Variants in DCLK2 observed in about 807,000 individuals in gnomAD.
DCLK2 encodes the protein doublecortin like kinase 2, also known as serine/threonine-protein kinase DCLK2.
DCLK2 carries 31 observed loss-of-function variants against 78.4 expected under a neutral mutation model. That is an observed-to-expected ratio of 0.40 (90% CI 0.30 to 0.53). The LOEUF (loss-of-function observed/expected upper bound fraction) is 0.53. Among genes scored for constraint, DCLK2 ranks in the 20% least tolerant of loss-of-function variants. DCLK2 has a pLI of 0.61. For missense variants in DCLK2, 872 were observed against 973.7 expected (o/e 0.90, Z 1.39); for synonymous variants, 407 against 374.9 (o/e 1.09, Z -0.99).
chr4:150,138,726 G>C (rs1439096739), intron 2 of DCLK2, among the ~76,000 whole-genome samples: 1 of 152,080 alleles, frequency 6.6e-6, no homozygotes, highest in Non-Finnish European at 1.5e-5. Context: ...GAGTGCAGTG[G>C]CACGATCTCA....
Position 150,200,953 on chromosome 4 carries a change from G to A in DCLK2, c.962-2842G>A, listed in dbSNP as rs959682093. On this transcript the variant is annotated intron_variant, in intron 4 of 15. Transcript: ENST00000296550. ...CTGCCTCAGCCTCCCGAGTAGCTGG[G>A]ACTACAGGCGTGCGCCACCACGCCT... 2.0e-5 allele frequency among the ~76,000 whole-genome samples: 3 copies of A among 152,188 alleles called. No homozygotes were observed. The South Asian group carries it at 6.2e-4, about 31-fold the overall frequency.
chr4:150,091,678 TAACTGATAGAAAAGTAGCCTAA>T (rs1730084026), intron 1 of DCLK2, among the ~76,000 whole-genome samples: 1 of 152,116 alleles, frequency 6.6e-6, no homozygotes, highest in South Asian at 2.1e-4. Context: ...GACTTTATAG[TAACTGATAGAAAAGTAGCCTAA>T]AACTGCTATT....
At chr4:150,250,837 C>T (rs1341454305) in intron 15 of DCLK2, among the ~76,000 whole-genome samples, 1 of 149,726 alleles carries the variant, frequency 6.7e-6, no homozygotes, top group Non-Finnish European at 1.5e-5. Flanking sequence ...TATAAGGAAG[C>T]CACACACATA....
intron 2 of DCLK2, among the ~76,000 whole-genome samples, chr4:150,181,674 G>T (rs1319983725): frequency 6.6e-6 from 1 of 151,420 alleles, no homozygotes; most frequent in East Asian, 1.9e-4. Flanking sequence ...AGATGCCTTT[G>T]AGAAGCCCTT....
intron 1 of DCLK2, among the ~76,000 whole-genome samples, chr4:150,097,266 G>T (rs548860375): frequency 9.3e-5 from 14 of 151,162 alleles, no homozygotes; most frequent in African/African-American, 3.4e-4. Context: ...GGGTTCAAGC[G>T]ATTCTAGTGT....
intron 5 of DCLK2, among the ~76,000 whole-genome samples, chr4:150,207,419 G>A (rs1296850906): frequency 6.6e-6 from 1 of 152,178 alleles, no homozygotes; most frequent in Admixed American, 6.5e-5. Context: ...GGCATTGAAA[G>A]AACTGAAAAT....
intron 2 of DCLK2, among the ~76,000 whole-genome samples, chr4:150,177,668 AG>A (rs1737192046): frequency 6.6e-6 from 1 of 152,242 alleles, no homozygotes; most frequent in Non-Finnish European, 1.5e-5. Context: ...TGAGCCAAAA[AG>A]GAGAGTGTAA....
At chr4:150,231,941 CT>C (rs1742102676) in intron 8 of DCLK2, among the ~76,000 whole-genome samples, 1 of 152,178 alleles carries the variant, frequency 6.6e-6, no homozygotes, top group African/African-American at 2.4e-5. Flanking sequence ...TATGCCTAGT[CT>C]TTATTTGTGA....
intron 2 of DCLK2, 76 bp from the exon 3 acceptor site, chr4:150,193,062 A>G: frequency 2.2e-6 from 2 of 889,990 alleles, no homozygotes; most frequent in Non-Finnish European, 3.6e-6. Flanking sequence ...TCAGGCTTAA[A>G]AATTCATTTA....
Position 150,079,140 on chromosome 4 carries a change from G to T in DCLK2, c.113G>T (p.Gly38Val). The change falls in exon 1 of 16, where the codon GGC becomes GTC. Residue 38 changes from glycine (G) to valine (V), a missense_variant. Gly to Val is a moderately radical substitution (Grantham distance 109). This residue lies in a region of DCLK2 where 567 missense variants were observed against 593.4 expected (regional missense o/e 0.96). Transcript: ENST00000296550. Reference sequence around the variant, plus strand: ...TCCTCCGGGGGCAGCAGCAGCTCGGGCCCCAAGGGGAACGGGCTCATCCCC... The same window carrying T: ...TCCTCCGGGGGCAGCAGCAGCTCGGTCCCCAAGGGGAACGGGCTCATCCCC... ...PSSSGGSSSS[G>V]PKGNGLIPSP... 6.3e-7 allele frequency: 1 copy of T among 1,593,638 alleles called. No individual in the cohort carries two copies.
chr4:150,236,332 C>T (rs1416741680), intron 10 of DCLK2, among the ~76,000 whole-genome samples: 1 of 152,154 alleles, frequency 6.6e-6, no homozygotes. Context: ...GGTACAGAAT[C>T]TTGCAGAATG....
At chr4:150,193,360 A>G (rs1246181654) in intron 3 of DCLK2, 120 bp downstream of exon 3, 1 of 536,966 alleles carries the variant, frequency 1.9e-6, no homozygotes, top group African/African-American at 1.9e-5. Context: ...GAAAGATAGC[A>G]TTGGCAGTAC....
intron 1 of DCLK2, among the ~76,000 whole-genome samples, chr4:150,082,909 A>G (rs1440195341): frequency 6.6e-6 from 1 of 152,170 alleles, no homozygotes; most frequent in Non-Finnish European, 1.5e-5. Flanking sequence ...ACCTAAAGAG[A>G]TATAACCAAG....
intron 2 of DCLK2, among the ~76,000 whole-genome samples, chr4:150,149,037 CAAAAAA>C (rs11407877): frequency 2.9e-5 from 3 of 104,714 alleles, no homozygotes; most frequent in Non-Finnish European, 1.9e-5. Flanking sequence ...CAGACTGTCT[CAAAAAA>C]AAAAAAAAAA....
In DCLK2 at chr4:150,232,439, G is replaced by T; in HGVS notation, c.1402G>T (p.Val468Leu). The T allele has an allele frequency of 1.2e-6, 2 of 1,614,040 alleles. No individual in the cohort carries two copies. The highest frequency in any genetic ancestry group is 1.7e-6 in the Non-Finnish European group (2 of 1,179,978). The change falls in exon 9 of 16, where the codon GTG becomes TTG. Residue 468 changes from valine to leucine, a missense_variant. Val to Leu is a conservative substitution (Grantham distance 32). This residue lies in a region of DCLK2 where 567 missense variants were observed against 593.4 expected (regional missense o/e 0.96). Coordinates refer to ENST00000296550, the MANE Select transcript of DCLK2 (RefSeq NM_001040260.4). ...GGAAACAGCAACTGAGCTCTTTCTG[G>T]TGATGGAATTGGTCAAAGTAAGAGG... ...EMETATELFL[V>L]MELVKGGDLF...
intron 2 of DCLK2, among the ~76,000 whole-genome samples, chr4:150,140,825 T>C (rs1196481259): frequency 6.6e-6 from 1 of 152,230 alleles, no homozygotes; most frequent in East Asian, 1.9e-4. Context: ...CTAGTAAATA[T>C]GTACTAGATT....
chr4:150,079,899 A>G (rs567322757), intron 1 of DCLK2, among the ~76,000 whole-genome samples: 98 of 152,156 alleles, frequency 6.4e-4, no homozygotes, highest in Admixed American at 1.4e-3. Flanking sequence ...TGTGGTTGTG[A>G]AATGCTCTAG....
intron 12 of DCLK2, among the ~76,000 whole-genome samples, chr4:150,245,638 A>G (rs1345607968): frequency 6.6e-6 from 1 of 151,798 alleles, no homozygotes. Flanking sequence ...TGTCCTTGCG[A>G]TAGTTTGCTG....
intron 2 of DCLK2, among the ~76,000 whole-genome samples, chr4:150,166,974 C>G (rs1290720098): frequency 6.6e-6 from 1 of 152,114 alleles, no homozygotes; most frequent in Non-Finnish European, 1.5e-5. Context: ...TGTAAAATAG[C>G]CACTGATTAA....
Sources: allele counts gnomAD v4.1 joint callset (sites outside exome capture counted in the v4.1 genomes callset), GRCh38; gene constraint gnomAD v4.1.1; regional missense constraint gnomAD v4.1.1; transcripts MANE v1.5; gene names NCBI Gene and HGNC (gene_info 2026-07-23, HGNC 2026-07-21).